The following ZNF385A variants were observed in gnomAD, a reference collection of about 807,000 sequenced individuals.
The protein encoded by ZNF385A is zinc finger protein 385A, also known as hematopoietic zinc finger protein.
Under a neutral mutation model 32.1 loss-of-function variants are expected in ZNF385A, and 14 were observed. The ratio of observed to expected loss-of-function variants is 0.44; its 90% CI spans 0.29 to 0.68. The LOEUF (loss-of-function observed/expected upper bound fraction) is 0.68. Ranked by LOEUF, ZNF385A falls within the 30% of genes least tolerant of loss-of-function variation. The pLI, the probability that ZNF385A is intolerant of heterozygous loss-of-function variation, is 0.14. For synonymous variants in ZNF385A, 197 were observed against 202.7 expected (o/e 0.97, Z 0.24); for missense variants, 406 against 478.4 (o/e 0.85, Z 1.41).
chr12:54,381,291 A>G (rs1366622769), intron 1 of ZNF385A: 1 of 152,134 alleles, frequency 6.6e-6, no homozygotes, highest in African/African-American at 2.4e-5. Context: ...ATGGTTAAAT[A>G]ACTTGCCTAA....
At position 54,370,866 on chromosome 12, in the gene ZNF385A, T is replaced by A. The variant is rs1048235624; in HGVS notation, c.774+61A>T. The A allele has an allele frequency of 6.2e-7, 1 of 1,612,040 alleles. No individual in the cohort carries two copies. Among genetic ancestry groups the A allele is most frequent in the Non-Finnish European group, 8.5e-7 (1 of 1,178,802 alleles). On this transcript the variant is annotated intron_variant, in intron 5 of 6. Coordinates refer to ENST00000394313, the MANE Select transcript of ZNF385A (RefSeq NM_015481.3). The surrounding 1 kb of genome is among the most constrained non-coding windows in gnomAD (Gnocchi z 5.5). ...AAGGGCCTTTACTCAAGCTCCTTGC[T>A]CCCCTTCCCCACTTAGCGGGTGGAG...
At chr12:54,386,157 G>T (rs557968258), upstream of ZNF385A, among the ~76,000 whole-genome samples, 1 of 150,028 alleles carries the variant, frequency 6.7e-6, no homozygotes, top group African/African-American at 2.5e-5. Flanking sequence ...TCAAGGTTGG[G>T]ATGGGGTGGA....
At chr12:54,380,828 C>G (rs1308102294) in intron 1 of ZNF385A, among the ~76,000 whole-genome samples, 1 of 152,216 alleles carries the variant, frequency 6.6e-6, no homozygotes, top group African/African-American at 2.4e-5. Flanking sequence ...AATATGATCT[C>G]ACAACCTTGT....
At chr12:54,381,232 G>GAA (rs35496366) in intron 1 of ZNF385A, 19 of 142,048 alleles carry the variant, frequency 1.3e-4, no homozygotes, top group East Asian at 1.2e-3. Context: ...AAGAAAAAAA[G>GAA]AAAAAAAAAA....
intron 3 of ZNF385A, 93 bp from the exon 4 acceptor site, chr12:54,371,808 AAGGGACC>A: frequency 6.4e-7 from 1 of 1,562,674 alleles, no homozygotes; most frequent in Non-Finnish European, 8.6e-7. Flanking sequence ...CCTGGAGGGC[AAGGGACC>A]AGGAGTCCCC....
At chr12:54,373,686 T>A (rs1212835791) in intron 3 of ZNF385A, among the ~76,000 whole-genome samples, 2 of 152,198 alleles carry the variant, frequency 1.3e-5, no homozygotes, top group African/African-American at 2.4e-5. Flanking sequence ...GGTTCTCTTT[T>A]TCTTGGGGAT....
chr12:54,385,503 T>C (rs960756423), upstream of ZNF385A, among the ~76,000 whole-genome samples: 5 of 151,932 alleles, frequency 3.3e-5, no homozygotes, highest in South Asian at 2.1e-4. Flanking sequence ...AGCTGGGGAG[T>C]TCTGGCCGCC....
chr12:54,383,523 C>T (rs1955307160), intron 1 of ZNF385A, among the ~76,000 whole-genome samples: 1 of 152,250 alleles, frequency 6.6e-6, no homozygotes, highest in Non-Finnish European at 1.5e-5. Flanking sequence ...CTTCCTCCTG[C>T]CTCTGTTCCC....
chr12:54,378,988 G>A lies in ZNF385A; in HGVS notation c.88-3034C>T, dbSNP rs535777453. Reference sequence around the variant, plus strand: ...AGAGGGAGCGGTAGCCAGCCCCGCAGGGGCGGGCGGGGACGGGGTGGGGGT... The same window carrying A: ...AGAGGGAGCGGTAGCCAGCCCCGCAAGGGCGGGCGGGGACGGGGTGGGGGT... On this transcript the variant is annotated intron_variant, in intron 1 of 6. Coordinates refer to ENST00000394313, the MANE Select transcript of ZNF385A (RefSeq NM_015481.3). 279 of 912,856 alleles carry A rather than the reference G, an allele frequency of 3.1e-4. 1 individual carries two copies. The African/African-American group carries it at 4.9e-3, about 16-fold the overall frequency. The allele number at this position is 912,856 out of a possible 1,614,324, so 56.5% of individuals were successfully genotyped here. A position where few individuals can be genotyped will look rare whatever the true frequency, so the allele number is the denominator to read the frequency against.
chr12:54,391,199 A>T, intron 1 of ZNF385A: 1 of 1,470,320 alleles, frequency 6.8e-7, no homozygotes, highest in Non-Finnish European at 9.1e-7. Context: ...AGAGGAACCC[A>T]GGAGCCGGGA....
At chr12:54,390,564 G>A (rs993522160) in intron 1 of ZNF385A, among the ~76,000 whole-genome samples, 4 of 152,090 alleles carry the variant, frequency 2.6e-5, no homozygotes, top group African/African-American at 9.7e-5. Context: ...AGGTCTCGGC[G>A]TGTTGGGGCA....
intron 4 of ZNF385A, 83 bp downstream of exon 4, chr12:54,371,390 G>A: frequency 2.0e-6 from 3 of 1,538,426 alleles, no homozygotes; most frequent in Non-Finnish European, 2.6e-6. Flanking sequence ...GTCTAGGGAT[G>A]TTGGAAGCCA....
chr12:54,387,799 G>A (rs1401295276), upstream of ZNF385A, among the ~76,000 whole-genome samples: 1 of 152,222 alleles, frequency 6.6e-6, no homozygotes, highest in Non-Finnish European at 1.5e-5. Flanking sequence ...CAGAAGGAGA[G>A]TTATTTGGCC....
Position 54,370,200 on chromosome 12 carries a change from A to G in ZNF385A, c.*56T>C. ...GAGGAGGGGCGGGCTGGGAGCCCGG[A>G]CGCCTGGGTCCCGGCTGGAGGTGGG... is the stretch of plus-strand genomic sequence containing the variant. On this transcript the variant is annotated 3_prime_UTR_variant, in exon 7 of 7. Coordinates refer to ENST00000394313, the MANE Select transcript of ZNF385A (RefSeq NM_015481.3). This position sits in a 1 kb window ranked among gnomAD's most constrained non-coding sequence, Gnocchi z 5.5. The G allele has an allele frequency of 7.5e-7, 1 of 1,337,814 alleles. No homozygotes were observed. The highest frequency in any genetic ancestry group is 9.8e-7 in the Non-Finnish European group (1 of 1,018,028). The allele number at this position is 1,337,814 out of a possible 1,614,324, so 82.9% of individuals were successfully genotyped here.
At chr12:54,387,214 C>G (rs1480097160), upstream of ZNF385A, among the ~76,000 whole-genome samples, 1 of 152,182 alleles carries the variant, frequency 6.6e-6, no homozygotes, top group Non-Finnish European at 1.5e-5. Flanking sequence ...AAACAGGTAG[C>G]AGCCACTCAG....
intron 1 of ZNF385A, chr12:54,379,305 G>T: frequency 1.8e-6 from 1 of 560,970 alleles, no homozygotes; most frequent in Non-Finnish European, 2.3e-6. Flanking sequence ...ACAGGGAGCT[G>T]AAGAGGAATG....
chr12:54,377,619 T>C (rs1488504177), intron 1 of ZNF385A, among the ~76,000 whole-genome samples: 1 of 152,200 alleles, frequency 6.6e-6, no homozygotes, highest in Non-Finnish European at 1.5e-5. Flanking sequence ...ATGTATGATG[T>C]GTTTGGCAGA....
chr12:54,373,147 G>C (rs1954644885), intron 3 of ZNF385A: 1 of 155,746 alleles, frequency 6.4e-6, no homozygotes, highest in Non-Finnish European at 1.4e-5. Flanking sequence ...GTGTGTGTGT[G>C]TGTGTGTGTG....
At chr12:54,382,769 A>T (rs913382696) in intron 1 of ZNF385A, among the ~76,000 whole-genome samples, 3 of 152,130 alleles carry the variant, frequency 2.0e-5, no homozygotes, top group African/African-American at 7.2e-5. Context: ...CAGGCTTCAG[A>T]TTCTAACTAT....
Sources: allele counts gnomAD v4.1 joint callset (sites outside exome capture counted in the v4.1 genomes callset), GRCh38; gene constraint gnomAD v4.1.1; non-coding constraint Gnocchi (gnomAD v3.1); transcripts MANE v1.5; gene names NCBI Gene and HGNC (gene_info 2026-07-23, HGNC 2026-07-21).